POLD3: variants seen among roughly 807,000 people sequenced by gnomAD.
POLD3 encodes DNA polymerase delta subunit 3.
Under a neutral mutation model 58.2 loss-of-function variants are expected in POLD3, and 19 were observed. The ratio of observed to expected loss-of-function variants is 0.33; its 90% CI spans 0.23 to 0.48. The LOEUF (loss-of-function observed/expected upper bound fraction) is 0.48, where lower values mean the gene tolerates loss of function less well. POLD3 is among the 20% of genes least tolerant of loss of function. POLD3 has a pLI of 0.99. For missense variants in POLD3, 504 were observed against 545.5 expected (o/e 0.92, Z 0.76); for synonymous variants, 172 against 193.5 (o/e 0.89, Z 0.92).
intron 3 of POLD3, among the ~76,000 whole-genome samples, chr11:74,605,425 A>T (rs930260027): frequency 4.6e-5 from 7 of 152,276 alleles, no homozygotes; most frequent in African/African-American, 1.4e-4. Flanking sequence ...TCAGGGGCAC[A>T]GGGATCATTC....
intron 11 of POLD3, among the ~76,000 whole-genome samples, chr11:74,640,244 G>A (rs2032874061): frequency 6.6e-6 from 1 of 152,192 alleles, no homozygotes; most frequent in South Asian, 2.1e-4. Flanking sequence ...CAGGAAGTTA[G>A]CCAGCATAGG....
chr11:74,629,492 C>CCATG (rs1388980450), intron 9 of POLD3, among the ~76,000 whole-genome samples, 169 bp downstream of exon 9: 1 of 151,970 alleles, frequency 6.6e-6, no homozygotes, highest in Non-Finnish European at 1.5e-5. Context: ...TTGACTAGAA[C>CCATG]CATGATCTTT....
At chr11:74,640,222 G>A (rs751954727) in intron 11 of POLD3, among the ~76,000 whole-genome samples, 66 of 152,272 alleles carry the variant, frequency 4.3e-4, no homozygotes, top group Admixed American at 1.0e-3. Flanking sequence ...TAGACAATTC[G>A]GATATAGAGT....
In POLD3 at chr11:74,625,663, T is replaced by A. The variant is rs2032409551; in HGVS notation, c.899+90T>A. The stretch of plus-strand genomic sequence containing the variant: ...TTATTGACAGCAGGCAGTTTTCAGT[T>A]AAGTACTAAATCCTACTTAATGCCT... On this transcript the variant is annotated intron_variant, in intron 8 of 11. Coordinates refer to ENST00000263681, the MANE Select transcript of POLD3 (RefSeq NM_006591.3). The A allele has an allele frequency of 7.5e-6, 8 of 1,063,422 alleles. No homozygotes were observed. The Admixed American group carries it at 1.9e-4, about 25-fold the overall frequency. The allele number at this position is 1,063,422 out of a possible 1,614,324, so 65.9% of individuals were successfully genotyped here. A position where few individuals can be genotyped will look rare whatever the true frequency, so the allele number is the denominator to read the frequency against.
chr11:74,595,043 CA>C (rs1228536689), intron 2 of POLD3: 3 of 152,034 alleles, frequency 2.0e-5, no homozygotes, highest in African/African-American at 7.2e-5. Flanking sequence ...GAGGAACTGA[CA>C]AACTATTTTT....
chr11:74,661,959 GCCA>G (rs1470658467), intron 4 of POLD3, among the ~76,000 whole-genome samples: 2 of 152,082 alleles, frequency 1.3e-5, no homozygotes, highest in African/African-American at 4.8e-5. Flanking sequence ...TCTCCCAATG[GCCA>G]CCACCACCAC....
chr11:74,645,944 T>G (rs935435926), downstream of POLD3, among the ~76,000 whole-genome samples: 15 of 151,288 alleles, frequency 9.9e-5, no homozygotes, highest in Non-Finnish European at 1.8e-4. Flanking sequence ...ATTGATGTTT[T>G]TTTTTTTTTT....
chr11:74,650,545 G>C (rs17133345), intron 4 of POLD3, among the ~76,000 whole-genome samples: 10,989 of 152,276 alleles, frequency 0.072, 497 homozygotes, highest in Non-Finnish European at 0.096. Context: ...AAAATAAACA[G>C]ATCTTTGGCA....
intron 4 of POLD3, among the ~76,000 whole-genome samples, chr11:74,655,788 G>A (rs569704583): frequency 6.6e-6 from 1 of 152,306 alleles, no homozygotes; most frequent in Admixed American, 6.5e-5. Flanking sequence ...AACGTTCTAA[G>A]TTTGGGAACA....
intron 7 of POLD3, among the ~76,000 whole-genome samples, chr11:74,622,357 T>TA (rs759473953): frequency 7.8e-4 from 119 of 152,152 alleles, no homozygotes; most frequent in Non-Finnish European, 9.3e-4. Flanking sequence ...CCCCATTTCT[T>TA]AAAAAAATAA....
At chr11:74,612,722 A>C (rs1486132052) in intron 4 of POLD3, among the ~76,000 whole-genome samples, 156 bp from the exon 5 acceptor site, 1 of 152,194 alleles carries the variant, frequency 6.6e-6, no homozygotes, top group African/African-American at 2.4e-5. Context: ...CAGACAGAAG[A>C]GTTGATGTTT....
intron 7 of POLD3, among the ~76,000 whole-genome samples, chr11:74,622,986 G>T (rs550771211): frequency 6.6e-6 from 1 of 152,336 alleles, no homozygotes; most frequent in Non-Finnish European, 1.5e-5. Flanking sequence ...TCCAGACAAT[G>T]AAATGTTATT....
chr11:74,613,813 A>G (rs1210559848), intron 5 of POLD3, among the ~76,000 whole-genome samples: 1 of 152,238 alleles, frequency 6.6e-6, no homozygotes, highest in East Asian at 1.9e-4. Context: ...GGAGACAGGC[A>G]GTTATGGTAC....
rs1437170337 is a variant in POLD3 at position 74,643,027 on chromosome 11, TC to T, written c.*2262del. 1.4e-6 allele frequency: 1 copy of T among 692,280 alleles called. No individual in the cohort carries two copies. Among genetic ancestry groups the T allele is most frequent in the Non-Finnish European group, 1.8e-6 (1 of 562,580 alleles). The allele number at this position is 692,280 out of a possible 1,614,324, so 42.9% of individuals were successfully genotyped here. A position where few individuals can be genotyped will look rare whatever the true frequency, so the allele number is the denominator to read the frequency against. On this transcript the variant is annotated 3_prime_UTR_variant, in exon 12 of 12. Coordinates refer to ENST00000263681, the MANE Select transcript of POLD3 (RefSeq NM_006591.3). Reference sequence around the variant, plus strand: ...GTGGGCAAGTTTCACAGCCTCAAGTTCTTTATCAAAATAAAACTAAAATGAG... The same window carrying T: ...GTGGGCAAGTTTCACAGCCTCAAGTTTTTATCAAAATAAAACTAAAATGAG...
intron 10 of POLD3, among the ~76,000 whole-genome samples, chr11:74,635,103 G>A (rs2032709609): frequency 1.3e-5 from 2 of 152,152 alleles, no homozygotes; most frequent in South Asian, 4.2e-4. Flanking sequence ...AGGGCTGGAT[G>A]GGAAAACTGT....
At chr11:74,632,523 G>A (rs1228094750) in intron 9 of POLD3, among the ~76,000 whole-genome samples, 1 of 152,136 alleles carries the variant, frequency 6.6e-6, no homozygotes, top group African/African-American at 2.4e-5. Context: ...TTTAAACAAA[G>A]CAGTAGATAT....
chr11:74,626,301 C>T (rs1405754135), intron 8 of POLD3, among the ~76,000 whole-genome samples: 2 of 152,170 alleles, frequency 1.3e-5, no homozygotes, highest in Non-Finnish European at 1.5e-5. Flanking sequence ...ACCATGGGTA[C>T]GTCACTCACT....
At chr11:74,658,381 C>T (rs1326133884) in intron 4 of POLD3, among the ~76,000 whole-genome samples, 2 of 152,292 alleles carry the variant, frequency 1.3e-5, no homozygotes, top group East Asian at 3.9e-4. Flanking sequence ...GGTGGGGACA[C>T]AGCCAAACAG....
downstream of POLD3, among the ~76,000 whole-genome samples, chr11:74,647,433 A>G (rs925288531): frequency 2.0e-5 from 3 of 152,194 alleles, no homozygotes; most frequent in Admixed American, 6.5e-5. Context: ...CATTTTGCAG[A>G]AAAGAAGCCC....
Sources: allele counts gnomAD v4.1 joint callset (sites outside exome capture counted in the v4.1 genomes callset), GRCh38; gene constraint gnomAD v4.1.1; transcripts MANE v1.5; gene names NCBI Gene and HGNC (gene_info 2026-07-23, HGNC 2026-07-21).